The following TECRL variants were observed in gnomAD, a reference collection of about 807,000 sequenced individuals.
TECRL encodes the protein trans-2,3-enoyl-CoA reductase like.
Under a neutral mutation model 52.8 loss-of-function variants are expected in TECRL, and 63 were observed. The observed-to-expected ratio is 1.19, with a 90% CI of 0.97 to 1.47. TECRL has a LOEUF of 1.47. Ranked by LOEUF, TECRL falls within the 40% of genes most tolerant of loss-of-function variation. The pLI is 0.00. For synonymous variants in TECRL, 164 were observed against 141.9 expected, an observed-to-expected ratio of 1.16 and a Z score of -1.10; for missense variants, 482 against 429.6, an observed-to-expected ratio of 1.12 and a Z score of -1.08.
chr4:64,306,727 C>T (rs1466702776), intron 6 of TECRL, among the ~76,000 whole-genome samples: 2 of 152,170 alleles, frequency 1.3e-5, no homozygotes, highest in African/African-American at 4.8e-5. Flanking sequence ...GGTGACTATT[C>T]TCCTCTCCAT....
intron 2 of TECRL, among the ~76,000 whole-genome samples, chr4:64,362,673 T>TAGTC (rs1161466723): frequency 6.6e-5 from 10 of 152,064 alleles, no homozygotes; most frequent in Admixed American, 5.9e-4. Context: ...ACCACCAGAC[T>TAGTC]GCCTTACAAA....
intron 8 of TECRL, among the ~76,000 whole-genome samples, chr4:64,298,362 G>A (rs1181138963): frequency 6.6e-6 from 1 of 151,080 alleles, no homozygotes; most frequent in African/African-American, 2.4e-5. Context: ...TTAACAAAGT[G>A]ATATGTGAAG....
intron 7 of TECRL, among the ~76,000 whole-genome samples, chr4:64,304,157 T>A (rs1724187134): frequency 6.6e-6 from 1 of 151,952 alleles, no homozygotes; most frequent in Admixed American, 6.6e-5. Flanking sequence ...CAGAAGTGTA[T>A]CTTATTAACA....
At chr4:64,361,730 A>G (rs1298944176) in intron 2 of TECRL, among the ~76,000 whole-genome samples, 3 of 152,164 alleles carry the variant, frequency 2.0e-5, no homozygotes, top group Admixed American at 1.3e-4. Flanking sequence ...AGACAACTTC[A>G]AAGATTAAGG....
intron 1 of TECRL, among the ~76,000 whole-genome samples, chr4:64,407,774 T>A (rs1724828105): frequency 6.6e-6 from 1 of 150,754 alleles, no homozygotes; most frequent in South Asian, 2.1e-4. Flanking sequence ...GTAATTTTAT[T>A]TTTTTATTTT....
intron 7 of TECRL, among the ~76,000 whole-genome samples, chr4:64,302,611 G>A (rs891272556): frequency 5.3e-5 from 8 of 151,088 alleles, no homozygotes; most frequent in Admixed American, 2.0e-4. Flanking sequence ...AATTTTGAGG[G>A]TAAAATGAGG....
At chr4:64,387,570 T>C (rs953614265) in intron 1 of TECRL, among the ~76,000 whole-genome samples, 1 of 152,118 alleles carries the variant, frequency 6.6e-6, no homozygotes, top group African/African-American at 2.4e-5. Flanking sequence ...TCCCAGCATA[T>C]GATGTCAGTG....
rs141024698 is a variant in TECRL, at chr4:64,331,016, A to C, written c.287-2460T>G. ...GGAAATAATCAAGAACCTGAGAAAT[A>C]ATTCAGTAAGTTTTGGGGTTTACAC... On this transcript the variant is annotated intron_variant, in intron 2 of 11. Transcript: ENST00000381210. 1.5e-3 allele frequency among the ~76,000 whole-genome samples: 226 copies of C among 152,188 alleles called. 1 individual carries two copies. Among genetic ancestry groups the C allele is most frequent in the African/African-American group, 5.2e-3 (216 of 41,566 alleles).
At chr4:64,344,699 T>C (rs1719826972) in intron 2 of TECRL, among the ~76,000 whole-genome samples, 1 of 152,192 alleles carries the variant, frequency 6.6e-6, no homozygotes, top group Admixed American at 6.5e-5. Context: ...AACTACATGC[T>C]ACCAACCATA....
intron 2 of TECRL, among the ~76,000 whole-genome samples, chr4:64,373,977 G>C (rs979311452): frequency 6.7e-5 from 9 of 133,440 alleles, no homozygotes; most frequent in South Asian, 2.3e-4. Context: ...ACAGTATATA[G>C]TAGATATATA....
At position 64,375,572 on chromosome 4, in the gene TECRL, A is replaced by G. The variant is rs182595098; in HGVS notation, c.235-349T>C. ...TTAAAAATATGTCTTAATGCACAGG[A>G]ATGTAAAAGAATGTATAGCAATAGT... is the stretch of plus-strand genomic sequence containing the variant. On this transcript the variant is annotated intron_variant, in intron 1 of 11. Coordinates refer to ENST00000381210, the MANE Select transcript of TECRL (RefSeq NM_001010874.5). 2.6e-5 allele frequency among the ~76,000 whole-genome samples: 4 copies of G among 152,016 alleles called. No homozygotes were observed. In the East Asian group the frequency reaches 7.7e-4, roughly 29 times the overall value.
At chr4:64,305,831 C>T (rs1724303803) in intron 6 of TECRL, among the ~76,000 whole-genome samples, 1 of 152,176 alleles carries the variant, frequency 6.6e-6, no homozygotes, top group Admixed American at 6.6e-5. Context: ...GTAGAACCCA[C>T]AAAAGACTTC....
At chr4:64,343,320 T>C (rs1719716266) in intron 2 of TECRL, among the ~76,000 whole-genome samples, 1 of 152,106 alleles carries the variant, frequency 6.6e-6, no homozygotes, top group Non-Finnish European at 1.5e-5. Flanking sequence ...TGCAAAATGA[T>C]ACCGTGCTCA....
intron 8 of TECRL, among the ~76,000 whole-genome samples, chr4:64,297,094 C>T (rs1723729500): frequency 6.6e-6 from 1 of 151,430 alleles, no homozygotes; most frequent in African/African-American, 2.4e-5. Context: ...CCTGATTTTA[C>T]AACATATTAT....
At chr4:64,313,705 T>C (rs1354879592) in intron 5 of TECRL, among the ~76,000 whole-genome samples, 2 of 150,218 alleles carry the variant, frequency 1.3e-5, no homozygotes, top group Non-Finnish European at 3.0e-5. Context: ...ATGGTCTCGA[T>C]CTCCTGACCT....
At chr4:64,339,957 T>C (rs1050087600) in intron 2 of TECRL, among the ~76,000 whole-genome samples, 1 of 152,226 alleles carries the variant, frequency 6.6e-6, no homozygotes, top group Non-Finnish European at 1.5e-5. Context: ...GTACCTACTT[T>C]ACTTTGCCCT....
chr4:64,283,877 G>A (rs1372982003), intron 9 of TECRL, among the ~76,000 whole-genome samples: 1 of 152,020 alleles, frequency 6.6e-6, no homozygotes, highest in African/African-American at 2.4e-5. Flanking sequence ...AAGCAACACA[G>A]AAGGCACTAC....
At chr4:64,302,758 TA>T (rs1724095710) in intron 7 of TECRL, among the ~76,000 whole-genome samples, 1 of 151,402 alleles carries the variant, frequency 6.6e-6, no homozygotes, top group Non-Finnish European at 1.5e-5. Context: ...AAACAAAAAT[TA>T]AAAGAATTAC....
chr4:64,302,376 C>G lies in TECRL; in HGVS notation c.731-2359G>C, dbSNP rs576301263. ...AATTCTGAAAGGAGTGGGAAAAAGA[C>G]CAGTTAGCATAGAGAGCAAAGAAGA... On this transcript the variant is annotated intron_variant, in intron 7 of 11. Coordinates refer to ENST00000381210, the MANE Select transcript of TECRL (RefSeq NM_001010874.5). 2.0e-5 allele frequency among the ~76,000 whole-genome samples: 3 copies of G among 151,040 alleles called. No individual in the cohort carries two copies. In the South Asian group the frequency reaches 6.2e-4, roughly 31 times the overall value.
Sources: gnomAD v4.1 joint callset for allele counts (sites outside exome capture counted in the v4.1 genomes callset) on GRCh38, gnomAD v4.1.1 for gene constraint, MANE v1.5 for transcripts, NCBI Gene and HGNC (gene_info 2026-07-23, HGNC 2026-07-21) for gene names.